SLAIN2: variants seen among roughly 807,000 people sequenced by gnomAD.
SLAIN2 encodes the protein SLAIN family member 2.
In SLAIN2, 31 loss-of-function variants were observed where a neutral mutation model predicts 56.6. The observed-to-expected ratio is 0.55, with a 90% CI of 0.41 to 0.74. SLAIN2 has a LOEUF of 0.74. SLAIN2 is among the 30% of genes least tolerant of loss of function. SLAIN2 has a pLI of 0.00. For synonymous variants in SLAIN2, 317 were observed against 284.9 expected (o/e 1.11, Z -1.13); for missense variants, 777 against 754.2 (o/e 1.03, Z -0.35).
intron 2 of SLAIN2, among the ~76,000 whole-genome samples, chr4:48,371,771 A>G (rs79116468): frequency 0.03 from 4,616 of 151,826 alleles, 77 homozygotes; most frequent in Admixed American, 0.046. Flanking sequence ...GTGAGACCCC[A>G]CCTCTACAAA....
chr4:48,364,244 C>T (rs1474212966), intron 1 of SLAIN2, among the ~76,000 whole-genome samples: 3 of 85,460 alleles, frequency 3.5e-5, no homozygotes, highest in African/African-American at 8.5e-5. Flanking sequence ...GATGGGGCGG[C>T]GGGGCAGAGG....
At chr4:48,358,625 T>G (rs923343095) in intron 1 of SLAIN2, among the ~76,000 whole-genome samples, 3 of 152,018 alleles carry the variant, frequency 2.0e-5, no homozygotes, top group Non-Finnish European at 4.4e-5. Flanking sequence ...CCAACAAAGC[T>G]TGTTAAAGCA....
intron 2 of SLAIN2, among the ~76,000 whole-genome samples, chr4:48,371,388 A>G (rs1715660546): frequency 6.6e-6 from 1 of 152,246 alleles, no homozygotes; most frequent in African/African-American, 2.4e-5. Context: ...AGCACTTTTG[A>G]AAAAGCAATA....
chr4:48,411,789 G>A (rs901127049), intron 6 of SLAIN2, among the ~76,000 whole-genome samples: 1 of 152,112 alleles, frequency 6.6e-6, no homozygotes, highest in African/African-American at 2.4e-5. Flanking sequence ...ATGAGTACTT[G>A]TTGGTTATTT....
At chr4:48,362,085 A>T (rs545151727) in intron 1 of SLAIN2, among the ~76,000 whole-genome samples, 1 of 151,008 alleles carries the variant, frequency 6.6e-6, no homozygotes, top group African/African-American at 2.4e-5. Flanking sequence ...TATATGCAGG[A>T]TCATGTCTGC....
intron 1 of SLAIN2, among the ~76,000 whole-genome samples, chr4:48,351,663 C>G (rs1715012749): frequency 6.6e-6 from 1 of 152,206 alleles, no homozygotes; most frequent in Admixed American, 6.5e-5. Context: ...GTGTAATAAT[C>G]TAGTTATATC....
At chr4:48,371,960 CAAA>C (rs992446189) in intron 2 of SLAIN2, among the ~76,000 whole-genome samples, 7 of 130,034 alleles carry the variant, frequency 5.4e-5, no homozygotes, top group Non-Finnish European at 7.9e-5. Flanking sequence ...ACAAAACAAA[CAAA>C]AAGTATATAC....
In SLAIN2 at chr4:48,383,590, TTTAA is replaced by T; in HGVS notation, c.1223-54_1223-51del. 2.8e-6 allele frequency: 4 copies of T among 1,412,710 alleles called. No homozygotes were observed. The South Asian group carries it at 4.6e-5, about 16-fold the overall frequency. The allele number at this position is 1,412,710 out of a possible 1,614,324, so 87.5% of individuals were successfully genotyped here. A position where few individuals can be genotyped will look rare whatever the true frequency, so the allele number is the denominator to read the frequency against. ...TTGATTTTTGAATGCTAGTTAATAT[TTTAA>T]TTTTCTCCATCTGAAAGAATATGAT... On this transcript the variant is annotated intron_variant, in intron 5 of 7. Coordinates refer to ENST00000264313, the MANE Select transcript of SLAIN2 (RefSeq NM_020846.2).
chr4:48,413,232 A>G (rs1246588251), intron 6 of SLAIN2, among the ~76,000 whole-genome samples: 1 of 151,458 alleles, frequency 6.6e-6, no homozygotes, highest in Non-Finnish European at 1.5e-5. Context: ...TGCCTCAAAA[A>G]AAAAAAAAAA....
chr4:48,348,042 T>A (rs1224823470), intron 1 of SLAIN2, among the ~76,000 whole-genome samples: 1 of 152,218 alleles, frequency 6.6e-6, no homozygotes, highest in African/African-American at 2.4e-5. Context: ...TCTGATGAAG[T>A]ACGATTGATC....
chr4:48,413,346 T>C (rs751769326), intron 6 of SLAIN2, among the ~76,000 whole-genome samples: 6 of 152,336 alleles, frequency 3.9e-5, no homozygotes, highest in Non-Finnish European at 8.8e-5. Flanking sequence ...CACGACATCC[T>C]GACTTTCCTA....
At chr4:48,399,493 A>AT (rs972716173) in intron 6 of SLAIN2, among the ~76,000 whole-genome samples, 13 of 151,930 alleles carry the variant, frequency 8.6e-5, no homozygotes, top group Non-Finnish European at 1.6e-4. Flanking sequence ...AATACGCTTT[A>AT]TTTTTTTCTC....
chr4:48,412,287 T>C (rs1369557231), intron 6 of SLAIN2, among the ~76,000 whole-genome samples: 1 of 152,116 alleles, frequency 6.6e-6, no homozygotes, highest in African/African-American at 2.4e-5. Flanking sequence ...AATGTGGCTA[T>C]TTTGTTAAAA....
intron 1 of SLAIN2, among the ~76,000 whole-genome samples, chr4:48,359,893 C>T (rs1222670012): frequency 2.6e-5 from 4 of 152,132 alleles, no homozygotes; most frequent in African/African-American, 7.2e-5. Flanking sequence ...CGGTGGCTTA[C>T]GCCTGTAATC....
In SLAIN2 at chr4:48,351,697, C is replaced by G. The variant is rs139837637; in HGVS notation, c.389+9569C>G. Among the ~76,000 whole-genome samples, 244 of 152,362 alleles carry G rather than the reference C, an allele frequency of 1.6e-3. 2 individuals carry two copies. The highest frequency in any genetic ancestry group is 5.2e-3 in the African/African-American group (217 of 41,576). On this transcript the variant is annotated intron_variant, in intron 1 of 7. Coordinates refer to ENST00000264313, the MANE Select transcript of SLAIN2 (RefSeq NM_020846.2). ...TCTTAATTCATCTTCACATTTCTGTCTAACGCCATGTCTGGCCAGTGGTAA... is the reference window on the plus strand; with the variant it reads ...TCTTAATTCATCTTCACATTTCTGTGTAACGCCATGTCTGGCCAGTGGTAA...
intron 1 of SLAIN2, among the ~76,000 whole-genome samples, chr4:48,365,003 GAATT>G (rs1455698433): frequency 6.6e-6 from 1 of 151,966 alleles, no homozygotes; most frequent in African/African-American, 2.4e-5. Flanking sequence ...TGTTTCCTAG[GAATT>G]AATCTGTTTT....
At chr4:48,342,176 G>T in intron 1 of SLAIN2, 48 bp downstream of exon 1, 1 of 1,329,816 alleles carries the variant, frequency 7.5e-7, no homozygotes, top group Admixed American at 4.1e-5. Flanking sequence ...GGGCCCGGGG[G>T]CGGAGAGCGT....
intron 2 of SLAIN2, among the ~76,000 whole-genome samples, chr4:48,372,024 A>G (rs1349325299): frequency 6.8e-6 from 1 of 146,946 alleles, no homozygotes; most frequent in Non-Finnish European, 1.5e-5. Flanking sequence ...ATACATATAT[A>G]CACATATATA....
intron 1 of SLAIN2, among the ~76,000 whole-genome samples, chr4:48,366,515 A>G (rs534285411): frequency 2.0e-5 from 3 of 152,168 alleles, no homozygotes; most frequent in Non-Finnish European, 4.4e-5. Flanking sequence ...GTTTCCAGTA[A>G]TTTTTTTGTT....
Sources: gnomAD v4.1 joint callset for allele counts (sites outside exome capture counted in the v4.1 genomes callset) on GRCh38, gnomAD v4.1.1 for gene constraint, MANE v1.5 for transcripts, NCBI Gene and HGNC (gene_info 2026-07-23, HGNC 2026-07-21) for gene names.